TRHDE: variants seen among roughly 807,000 people sequenced by gnomAD.
TRHDE encodes the protein thyrotropin-releasing hormone-degrading ectoenzyme.
Under a neutral mutation model 125.7 loss-of-function variants are expected in TRHDE, and 72 were observed. That is an observed-to-expected ratio of 0.57 (90% confidence interval 0.47 to 0.70). The LOEUF is 0.70. Among genes scored for constraint, TRHDE ranks in the 30% least tolerant of loss-of-function variants. The probability of loss-of-function intolerance (pLI) is 0.00; values close to 1 mark genes in which losing one functional copy is unlikely to be tolerated. For missense variants in TRHDE, 1,110 were observed against 1,327.1 expected (o/e 0.84, Z 2.54); for synonymous variants, 509 against 509.1 (o/e 1.00, Z 0.00).
intron 3 of TRHDE, among the ~76,000 whole-genome samples, chr12:72,394,258 T>C (rs1050739291): frequency 3.9e-5 from 6 of 152,128 alleles, no homozygotes; most frequent in Non-Finnish European, 5.9e-5. Flanking sequence ...TAACAGTAGA[T>C]TCTGGAAATG....
At chr12:72,538,158 C>T (rs1270423913) in intron 6 of TRHDE, among the ~76,000 whole-genome samples, 4 of 151,924 alleles carry the variant, frequency 2.6e-5, no homozygotes, top group Non-Finnish European at 5.9e-5. Context: ...ACAAACAAAC[C>T]TTTCATGTGA....
At chr12:72,625,413 T>C (rs1873220264) in intron 15 of TRHDE, among the ~76,000 whole-genome samples, 1 of 151,770 alleles carries the variant, frequency 6.6e-6, no homozygotes, top group Non-Finnish European at 1.5e-5. Flanking sequence ...CCTTGTTATA[T>C]AGTAAATGTT....
At chr12:72,221,337 G>A (rs1290903073) in intron 2 of TRHDE, among the ~76,000 whole-genome samples, 1 of 152,080 alleles carries the variant, frequency 6.6e-6, no homozygotes, top group Non-Finnish European at 1.5e-5. Flanking sequence ...TGAATATCAT[G>A]AAAGAAAGCT....
chr12:72,371,093 A>G (rs1387518130), intron 2 of TRHDE, among the ~76,000 whole-genome samples: 1 of 151,990 alleles, frequency 6.6e-6, no homozygotes. Context: ...TAATCCCTTT[A>G]CGGTCACTTA....
chr12:72,101,055 T>C (rs1005631994), intron 1 of TRHDE, among the ~76,000 whole-genome samples: 5 of 152,214 alleles, frequency 3.3e-5, no homozygotes, highest in Admixed American at 2.6e-4. Context: ...AATTTGAATC[T>C]ATTTGCCCTC....
intron 2 of TRHDE, among the ~76,000 whole-genome samples, chr12:72,300,783 T>C (rs1868251762): frequency 6.6e-6 from 1 of 151,904 alleles, no homozygotes; most frequent in Non-Finnish European, 1.5e-5. Flanking sequence ...ATTCAGAGGA[T>C]GGTTGATATA....
At chr12:72,568,727 T>G in intron 10 of TRHDE, 71 bp downstream of exon 10, 1 of 1,028,040 alleles carries the variant, frequency 9.7e-7, no homozygotes, top group East Asian at 2.4e-5. Flanking sequence ...ACCTCTGGTT[T>G]CAGCTGTTAT....
Position 72,161,027 on chromosome 12 carries a change from A to G in TRHDE, n.279+55275A>G, listed in dbSNP as rs532750691. 6.6e-5 allele frequency among the ~76,000 whole-genome samples: 10 copies of G among 151,892 alleles called. No individual in the cohort carries two copies. The East Asian group carries it at 1.9e-3, about 29-fold the overall frequency. ...TACAAAATTATTTTTGGTTCCTCTCACCTCTATCTCCTTTCTCACTGGCTG... is the reference window on the plus strand; with the variant it reads ...TACAAAATTATTTTTGGTTCCTCTCGCCTCTATCTCCTTTCTCACTGGCTG... On this transcript the variant is annotated intron_variant and non_coding_transcript_variant, in intron 2 of 4. Transcript: ENST00000548156.
intron 2 of TRHDE, among the ~76,000 whole-genome samples, chr12:72,370,895 A>G (rs766844762): frequency 6.6e-5 from 10 of 152,006 alleles, no homozygotes; most frequent in Non-Finnish European, 1.3e-4. Context: ...GGCATGCACC[A>G]CCATGCTCAG....
intron 2 of TRHDE, among the ~76,000 whole-genome samples, chr12:72,232,732 A>G (rs1189031991): frequency 3.9e-5 from 6 of 152,072 alleles, no homozygotes; most frequent in African/African-American, 1.2e-4. Context: ...ACTCTTGCCA[A>G]ACATATCCCC....
At chr12:72,221,948 CTCTG>C (rs2139368482) in intron 2 of TRHDE, among the ~76,000 whole-genome samples, 1 of 152,192 alleles carries the variant, frequency 6.6e-6, no homozygotes, top group African/African-American at 2.4e-5. Context: ...ACCAGCATCT[CTCTG>C]TGTAGTGTCA....
intron 7 of TRHDE, among the ~76,000 whole-genome samples, chr12:72,559,609 T>C (rs2136007323): frequency 6.6e-6 from 1 of 152,310 alleles, no homozygotes; most frequent in African/African-American, 2.4e-5. Context: ...AAATACCTAG[T>C]ATAGAGAAAC....
chr12:72,124,481 A>G (rs1344229318), intron 2 of TRHDE, among the ~76,000 whole-genome samples: 5 of 152,148 alleles, frequency 3.3e-5, no homozygotes, highest in African/African-American at 1.2e-4. Context: ...TGCTGGGTAT[A>G]TGTTTGTGGG....
chr12:72,619,737 C>T (rs189224569), intron 13 of TRHDE, among the ~76,000 whole-genome samples: 1 of 152,178 alleles, frequency 6.6e-6, no homozygotes, highest in Non-Finnish European at 1.5e-5. Context: ...ATCACTGTGC[C>T]TTCCATGATG....
chr12:72,526,368 T>C (rs1868337533), intron 6 of TRHDE, among the ~76,000 whole-genome samples: 1 of 152,074 alleles, frequency 6.6e-6, no homozygotes, highest in Admixed American at 6.6e-5. Flanking sequence ...ATAACAATTG[T>C]TTACTTTTTG....
At chr12:72,344,271 G>C (rs528184446) in intron 2 of TRHDE, among the ~76,000 whole-genome samples, 62 of 152,208 alleles carry the variant, frequency 4.1e-4, no homozygotes, top group African/African-American at 1.3e-3. Context: ...CTCTCATAGA[G>C]GTAAAGTGTA....
At chr12:72,296,512 T>C (rs1880304836) in intron 2 of TRHDE, among the ~76,000 whole-genome samples, 1 of 151,974 alleles carries the variant, frequency 6.6e-6, no homozygotes, top group Admixed American at 6.6e-5. Flanking sequence ...TGCCTGAGTA[T>C]TGTTGATTTG....
At chr12:72,299,929 T>C (rs892320051) in intron 2 of TRHDE, among the ~76,000 whole-genome samples, 2 of 152,086 alleles carry the variant, frequency 1.3e-5, no homozygotes, top group African/African-American at 4.8e-5. Flanking sequence ...TTGAGAAGTA[T>C]TGGGTCTTGA....
chr12:72,229,003 G>A (rs7976923), intron 2 of TRHDE, among the ~76,000 whole-genome samples: 73,234 of 151,990 alleles, frequency 0.48, 17,885 homozygotes, highest in South Asian at 0.62. Flanking sequence ...TCTCTAGGGA[G>A]TTCCAAACTT....
Sources: gnomAD v4.1 joint callset for allele counts (sites outside exome capture counted in the v4.1 genomes callset) on GRCh38, gnomAD v4.1.1 for gene constraint, MANE v1.5 for transcripts, NCBI Gene and HGNC (gene_info 2026-07-23, HGNC 2026-07-21) for gene names.